Variants in MAN1C1 observed in about 807,000 individuals in gnomAD.
The protein encoded by MAN1C1 is mannosidase alpha class 1C member 1.
Under a neutral mutation model 71.5 loss-of-function variants are expected in MAN1C1, and 49 were observed. The ratio of observed to expected loss-of-function variants is 0.69; its 90% confidence interval spans 0.54 to 0.87. The LOEUF (loss-of-function observed/expected upper bound fraction) is 0.87, where lower values mean the gene tolerates loss of function less well. Among genes scored for constraint, MAN1C1 ranks in the 40% least tolerant of loss-of-function variants. The pLI is 0.00. For synonymous variants in MAN1C1, 352 were observed against 343.7 expected (o/e 1.02, Z -0.27); for missense variants, 743 against 835.0 (o/e 0.89, Z 1.36).
chr1:25,726,814 G>A (rs967080310), intron 2 of MAN1C1, among the ~76,000 whole-genome samples: 4 of 151,886 alleles, frequency 2.6e-5, no homozygotes, highest in Admixed American at 2.6e-4. Context: ...CCATCACTGC[G>A]GGAGGCCAAG....
intron 8 of MAN1C1, 37 bp downstream of exon 8, chr1:25,771,809 C>A: frequency 6.5e-7 from 1 of 1,531,864 alleles, no homozygotes; most frequent in Non-Finnish European, 9.0e-7. Context: ...GGCCGCTGGT[C>A]ACCAGCCCCC....
At position 25,699,305 on chromosome 1, in the gene MAN1C1, TAAAA is replaced by T. The variant is rs778292367; in HGVS notation, c.637+12782_637+12785del. Among the ~76,000 whole-genome samples the T allele has an allele frequency of 4.8e-5, 6 of 124,196 alleles. 1 individual carries two copies. The South Asian group carries it at 1.3e-3, about 28-fold the overall frequency. The allele number at this position is 124,196 out of a possible 152,430, so 81.5% of individuals were successfully genotyped here. A position where few individuals can be genotyped will look rare whatever the true frequency, so the allele number is the denominator to read the frequency against. ...ACAAGAGCGAAACTCCATCTTAAAT[TAAAA>T]AAAAAAAAAAAAGAAGAAGAAGAAG... is the stretch of plus-strand genomic sequence containing the variant. On this transcript the variant is annotated intron_variant, in intron 2 of 11. Coordinates refer to ENST00000374332, the MANE Select transcript of MAN1C1 (RefSeq NM_020379.4).
chr1:25,744,487 T>A (rs543951794), intron 2 of MAN1C1, among the ~76,000 whole-genome samples: 2 of 151,986 alleles, frequency 1.3e-5, no homozygotes, highest in East Asian at 3.9e-4. Context: ...CGAACTCCCT[T>A]CTGGTAATAG....
rs537335922 is a variant in MAN1C1, at chr1:25,661,802, TA to T, written c.541-24633del. ...TGAAACCTTTGCACCTGCAAGGAGTTAAAAATATGTAATGAAAGAAATATCA... is the reference window on the plus strand; with the variant it reads ...TGAAACCTTTGCACCTGCAAGGAGTTAAAATATGTAATGAAAGAAATATCA... On this transcript the variant is annotated intron_variant, in intron 1 of 11. Coordinates refer to ENST00000374332, the MANE Select transcript of MAN1C1 (RefSeq NM_020379.4). Among the ~76,000 whole-genome samples the T allele has an allele frequency of 4.6e-5, 7 of 152,364 alleles. No individual in the cohort carries two copies. The East Asian group carries it at 1.3e-3, about 29-fold the overall frequency.
In MAN1C1 at chr1:25,779,362, C is replaced by T. The variant is rs1358273256; in HGVS notation, c.1477+1038C>T. On this transcript the variant is annotated intron_variant, in intron 9 of 11. Transcript: ENST00000374332. This position sits in a 1 kb window ranked among gnomAD's most constrained non-coding sequence, Gnocchi z 4.6. ...TACCTTGGCAGCCACCTTTGGCCAGCAGCACTGCAGGCACTTGCTGACCGC... is the reference window on the plus strand; with the variant it reads ...TACCTTGGCAGCCACCTTTGGCCAGTAGCACTGCAGGCACTTGCTGACCGC... Among the ~76,000 whole-genome samples the T allele has an allele frequency of 6.6e-6, 1 of 152,180 alleles. No homozygotes were observed. Among genetic ancestry groups the T allele is most frequent in the Admixed American group, 6.5e-5 (1 of 15,274 alleles).
rs1383117337 is a variant in MAN1C1 at position 25,725,641 on chromosome 1, T to C, written c.638-21027T>C. Among the ~76,000 whole-genome samples, 1 of 152,230 alleles carries C rather than the reference T, an allele frequency of 6.6e-6. No homozygotes were observed. Among genetic ancestry groups the C allele is most frequent in the African/African-American group, 2.4e-5 (1 of 41,462 alleles). On this transcript the variant is annotated intron_variant, in intron 2 of 11. Coordinates refer to ENST00000374332, the MANE Select transcript of MAN1C1 (RefSeq NM_020379.4). The surrounding 1 kb of genome is among the most constrained non-coding windows in gnomAD (Gnocchi z 4.8). ...TATCCTAGCTCCTCCTAGAATAAAG[T>C]GTCCTTGGGCCATCCCACCTCAACT...
intron 8 of MAN1C1, 59 bp downstream of exon 8, chr1:25,771,831 G>A (rs1441042495): frequency 1.1e-5 from 16 of 1,406,516 alleles, no homozygotes; most frequent in South Asian, 3.5e-5. Context: ...GCTCTCTCAC[G>A]GCCGAGCGAG....
Position 25,670,012 on chromosome 1 carries a change from A to G in MAN1C1, c.541-16428A>G, listed in dbSNP as rs189259696. On this transcript the variant is annotated intron_variant, in intron 1 of 11. Coordinates refer to ENST00000374332, the MANE Select transcript of MAN1C1 (RefSeq NM_020379.4). ...TACCAGAAAATGTAGATGGTTTCAC[A>G]TGATTCTAAATGGATTTCCAAAGCA... 2.6e-5 allele frequency among the ~76,000 whole-genome samples: 4 copies of G among 152,376 alleles called. No homozygotes were observed. The East Asian group carries it at 7.7e-4, about 29-fold the overall frequency.
chr1:25,709,962 T>C (rs1572166315), intron 2 of MAN1C1: 1 of 152,176 alleles, frequency 6.6e-6, no homozygotes, highest in South Asian at 2.1e-4. Flanking sequence ...GCCAGGCTGG[T>C]CTCGAACTCC....
intron 2 of MAN1C1, among the ~76,000 whole-genome samples, chr1:25,731,760 C>T (rs1167321716): frequency 6.6e-6 from 1 of 152,134 alleles, no homozygotes; most frequent in Non-Finnish European, 1.5e-5. Flanking sequence ...GTGGGCTGGT[C>T]TCCTCTTTAC....
chr1:25,704,377 C>T (rs1053251026), intron 2 of MAN1C1, among the ~76,000 whole-genome samples: 2 of 152,212 alleles, frequency 1.3e-5, no homozygotes, highest in African/African-American at 4.8e-5. Flanking sequence ...GGGCGGCCGA[C>T]AGAACCAAGC....
chr1:25,726,893 T>TAAAAA lies in MAN1C1; in HGVS notation c.638-19762_638-19758dup, dbSNP rs530911352. Among the ~76,000 whole-genome samples the TAAAAA allele has an allele frequency of 6.7e-3, 856 of 127,198 alleles. 15 individuals carry two copies. The highest frequency in any genetic ancestry group is 0.024 in the African/African-American group (805 of 33,870). 83.4% of individuals were successfully genotyped at this position (127,198 alleles called of 152,430 possible). A position where few individuals can be genotyped will look rare whatever the true frequency, so the allele number is the denominator to read the frequency against. Reference sequence around the variant, plus strand: ...CAATACAGTGAGACCTCATCTCTATTAAAAAAAAAAAAAAAAAGCCAACTG... The same window carrying TAAAAA: ...CAATACAGTGAGACCTCATCTCTATTAAAAAAAAAAAAAAAAAAAAAAGCCAACTG... On this transcript the variant is annotated intron_variant, in intron 2 of 11. Transcript: ENST00000374332.
chr1:25,742,424 G>A (rs528150328), intron 2 of MAN1C1, among the ~76,000 whole-genome samples: 25 of 152,300 alleles, frequency 1.6e-4, no homozygotes, highest in Admixed American at 5.2e-4. Context: ...CCTGTGGGGC[G>A]GTTTTCCTTT....
At position 25,753,688 on chromosome 1, in the gene MAN1C1, G is replaced by C. The variant is rs534682616; in HGVS notation, c.929+110G>C. On this transcript the variant is annotated intron_variant, in intron 5 of 11. Coordinates refer to ENST00000374332, the MANE Select transcript of MAN1C1 (RefSeq NM_020379.4). The surrounding 1 kb of genome is among the most constrained non-coding windows in gnomAD (Gnocchi z 4.9). ...GGCTCCAGGGGCAGTAGGCAGGCAA[G>C]CAGGAGGGGGGACCCTTGGGACCAC... is the stretch of plus-strand genomic sequence containing the variant. 1.9e-4 allele frequency: 165 copies of C among 870,732 alleles called. 1 individual carries two copies. In the African/African-American group the frequency reaches 2.6e-3, roughly 14 times the overall value. 53.9% of individuals were successfully genotyped at this position (870,732 alleles called of 1,614,324 possible).
At position 25,764,642 on chromosome 1, in the gene MAN1C1, T is replaced by G. The variant is rs2124379884; in HGVS notation, c.1141+675T>G. On this transcript the variant is annotated intron_variant, in intron 7 of 11. Coordinates refer to ENST00000374332, the MANE Select transcript of MAN1C1 (RefSeq NM_020379.4). The surrounding 1 kb of genome is among the most constrained non-coding windows in gnomAD (Gnocchi z 4.4). ...GATGTTGGCCAAGCTGGTCTCGAAC[T>G]CCTGACCTCAAATGATCCAACCGCC... is the stretch of plus-strand genomic sequence containing the variant. Among the ~76,000 whole-genome samples the G allele has an allele frequency of 6.6e-6, 1 of 151,982 alleles. No individual in the cohort carries two copies. The highest frequency in any genetic ancestry group is 6.5e-5 in the Admixed American group (1 of 15,276).
At chr1:25,774,779 G>A (rs1459134597) in intron 8 of MAN1C1, among the ~76,000 whole-genome samples, 2 of 151,818 alleles carry the variant, frequency 1.3e-5, no homozygotes, top group African/African-American at 4.8e-5. Flanking sequence ...CTATGGGTTA[G>A]CCCTGCTCCA....
chr1:25,693,094 C>G (rs2046328863), intron 2 of MAN1C1, among the ~76,000 whole-genome samples: 1 of 152,060 alleles, frequency 6.6e-6, no homozygotes, highest in African/African-American at 2.4e-5. Flanking sequence ...GAAGCTTTAC[C>G]AATAATAAAA....
Position 25,735,097 on chromosome 1 carries a change from G to A in MAN1C1, c.638-11571G>A, listed in dbSNP as rs970325779. Among the ~76,000 whole-genome samples, 4 of 152,188 alleles carry A rather than the reference G, an allele frequency of 2.6e-5. No homozygotes were observed. Among genetic ancestry groups the A allele is most frequent in the Non-Finnish European group, 4.4e-5 (3 of 68,026 alleles). ...ATGGAAGCAGTAGTTTGCCTAGAAT[G>A]TGGAACACATGAAAAGACGATTAAG... On this transcript the variant is annotated intron_variant, in intron 2 of 11. Coordinates refer to ENST00000374332, the MANE Select transcript of MAN1C1 (RefSeq NM_020379.4). This position sits in a 1 kb window ranked among gnomAD's most constrained non-coding sequence, Gnocchi z 4.6.
chr1:25,761,620 C>CTTATTTTTTT (rs2047359583), intron 6 of MAN1C1: 1 of 95,814 alleles, frequency 1.0e-5, no homozygotes, highest in African/African-American at 4.3e-5. Flanking sequence ...ACCTCTACTT[C>CTTATTTTTTT]TTTTTTTTTT....
Sources: allele counts gnomAD v4.1 joint callset (sites outside exome capture counted in the v4.1 genomes callset), GRCh38; gene constraint gnomAD v4.1.1; non-coding constraint Gnocchi (gnomAD v3.1); transcripts MANE v1.5; gene names NCBI Gene and HGNC (gene_info 2026-07-23, HGNC 2026-07-21).